The following RCOR3 variants were observed in gnomAD, a reference collection of about 807,000 sequenced individuals.
RCOR3 encodes the protein REST corepressor 3.
Under a neutral mutation model 64.1 loss-of-function variants are expected in RCOR3, and 13 were observed. The observed-to-expected ratio is 0.20, with a 90% CI of 0.13 to 0.32. The LOEUF (loss-of-function observed/expected upper bound fraction) is 0.32, where lower values mean the gene tolerates loss of function less well. RCOR3 is among the 10% of genes least tolerant of loss of function. The pLI is 1.00. For synonymous variants in RCOR3, 215 were observed against 239.0 expected, an observed-to-expected ratio of 0.90 and a Z score of 0.93; for missense variants, 489 against 701.2, an observed-to-expected ratio of 0.70 and a Z score of 3.42.
At chr1:211,267,435 C>T (rs1695393365) in intron 2 of RCOR3, among the ~76,000 whole-genome samples, 1 of 152,120 alleles carries the variant, frequency 6.6e-6, no homozygotes, top group African/African-American at 2.4e-5. Flanking sequence ...TTGCGAAATG[C>T]TTAATTAGGC....
At chr1:211,276,797 C>T (rs1697023960) in intron 5 of RCOR3, among the ~76,000 whole-genome samples, 1 of 151,998 alleles carries the variant, frequency 6.6e-6, no homozygotes, top group Non-Finnish European at 1.5e-5. Flanking sequence ...TTTAAAAAAT[C>T]CCATATTAGG....
At chr1:211,279,521 T>A (rs1697476591) in intron 7 of RCOR3, among the ~76,000 whole-genome samples, 1 of 152,230 alleles carries the variant, frequency 6.6e-6, no homozygotes, top group Non-Finnish European at 1.5e-5. Flanking sequence ...TGGAAAAAGA[T>A]CTGAGTTTGT....
At position 211,259,681 on chromosome 1, in the gene RCOR3, C is replaced by T. The variant is rs750285466; in HGVS notation, c.121C>T (p.His41Tyr). The T allele has an allele frequency of 5.2e-6, 8 of 1,544,990 alleles. No homozygotes were observed. Among genetic ancestry groups the T allele is most frequent in the Non-Finnish European group, 8.7e-7 (1 of 1,144,400 alleles). ...CGCCTCGTCCACCAACGGCGGGCTGCACTACTCAGAGCCCGAGAGCGGCTG... is the reference window on the plus strand; with the variant it reads ...CGCCTCGTCCACCAACGGCGGGCTGTACTACTCAGAGCCCGAGAGCGGCTG... Reference protein sequence around the residue: ...SGASSTNGGLHYSEPESGCSS... With the variant: ...SGASSTNGGLYYSEPESGCSS... Residue 41 changes from histidine to tyrosine, a missense_variant, in exon 1 of 12, where the codon CAC becomes TAC. His to Tyr is a moderately conservative substitution (Grantham distance 83). This residue lies in a region of RCOR3 where 87 missense variants were observed against 84.3 expected (regional missense o/e 1.03). Transcript: ENST00000419091.
intron 7 of RCOR3, among the ~76,000 whole-genome samples, chr1:211,287,484 A>T (rs975700353): frequency 4.6e-5 from 7 of 152,228 alleles, no homozygotes. Flanking sequence ...AAAATGTTTG[A>T]TCAGCAATTT....
intron 5 of RCOR3, among the ~76,000 whole-genome samples, chr1:211,276,871 G>T (rs2102499199): frequency 6.6e-6 from 1 of 152,110 alleles, no homozygotes; most frequent in South Asian, 2.1e-4. Flanking sequence ...CAGATCATGA[G>T]GTCAGGAGAT....
At chr1:211,282,889 A>G (rs899614988) in intron 7 of RCOR3, among the ~76,000 whole-genome samples, 25 of 152,176 alleles carry the variant, frequency 1.6e-4, no homozygotes, top group African/African-American at 5.8e-4. Context: ...TTTATCACAT[A>G]TATATAATCA....
chr1:211,280,693 C>T (rs1301974742), intron 7 of RCOR3, among the ~76,000 whole-genome samples: 3 of 152,098 alleles, frequency 2.0e-5, no homozygotes, highest in Middle Eastern at 3.4e-3. Context: ...CATTTAAAAG[C>T]GTTTCTCTGG....
intron 7 of RCOR3, among the ~76,000 whole-genome samples, chr1:211,281,822 G>T (rs1238751985): frequency 6.6e-6 from 1 of 152,010 alleles, no homozygotes; most frequent in Non-Finnish European, 1.5e-5. Context: ...TAAATCTGTT[G>T]CAGTACTAAT....
At chr1:211,267,953 G>A (rs1196037591) in intron 2 of RCOR3, 3 of 293,894 alleles carry the variant, frequency 1.0e-5, no homozygotes, top group Non-Finnish European at 2.0e-5. Context: ...TTTGAGAAGG[G>A]ACATTTAATG....
intron 8 of RCOR3, among the ~76,000 whole-genome samples, 166 bp from the exon 9 acceptor site, chr1:211,295,510 A>G (rs937534126): frequency 1.3e-5 from 2 of 152,230 alleles, no homozygotes; most frequent in African/African-American, 4.8e-5. Flanking sequence ...TCATACATGT[A>G]TAAGTTGAAT....
At chr1:211,305,101 T>A (rs1700731709) in intron 10 of RCOR3, among the ~76,000 whole-genome samples, 3 of 152,196 alleles carry the variant, frequency 2.0e-5, no homozygotes, top group South Asian at 2.1e-4. Flanking sequence ...TGTGCAGACA[T>A]CATTCCGATT....
intron 6 of RCOR3, among the ~76,000 whole-genome samples, 181 bp from the exon 7 acceptor site, chr1:211,279,057 G>A (rs1200570789): frequency 6.6e-6 from 1 of 151,958 alleles, no homozygotes; most frequent in Admixed American, 6.6e-5. Flanking sequence ...CGTGGTGCTG[G>A]GCACCTGTAA....
At chr1:211,304,184 T>C in intron 10 of RCOR3, 44 bp downstream of exon 10, 1 of 1,425,642 alleles carries the variant, frequency 7.0e-7, no homozygotes, top group Non-Finnish European at 9.5e-7. Context: ...AATTATTTAA[T>C]TTGTCATGAA....
chr1:211,260,182 A>G lies in RCOR3; in HGVS notation c.223+18A>G. 4 of 1,610,052 alleles carry G rather than the reference A, an allele frequency of 2.5e-6. No individual in the cohort carries two copies. Among genetic ancestry groups the G allele is most frequent in the Non-Finnish European group, 1.7e-6 (2 of 1,176,976 alleles). On this transcript the variant is annotated intron_variant, in intron 2 of 11. Transcript: ENST00000419091. ...TGATCCAGGTAGATATATTTGCTTA[A>G]GCAAAATCTCATATCCCCTTTCCTG...
chr1:211,272,922 G>A (rs1037273569), intron 3 of RCOR3, among the ~76,000 whole-genome samples: 2 of 152,104 alleles, frequency 1.3e-5, no homozygotes, highest in African/African-American at 4.8e-5. Flanking sequence ...CGCCCGGCCT[G>A]GATGTCTTAC....
intron 7 of RCOR3, among the ~76,000 whole-genome samples, chr1:211,287,577 G>A (rs141403988): frequency 6.8e-4 from 103 of 152,320 alleles, no homozygotes; most frequent in African/African-American, 2.4e-3. Flanking sequence ...CAATTAAGTG[G>A]ATTATGCTTC....
In RCOR3 at chr1:211,259,432, CCTCCTCCTCCGCCGCCGCCGCCGT is replaced by C. The variant is rs1203326351; in HGVS notation, c.-118_-95del. 19 of 920,830 alleles carry C rather than the reference CCTCCTCCTCCGCCGCCGCCGCCGT, an allele frequency of 2.1e-5. No individual in the cohort carries two copies. Among genetic ancestry groups the C allele is most frequent in the African/African-American group, 1.1e-4 (6 of 56,326 alleles). The allele number at this position is 920,830 out of a possible 1,614,324, so 57.0% of individuals were successfully genotyped here. On this transcript the variant is annotated 5_prime_UTR_variant, in exon 1 of 12. Transcript: ENST00000419091. ...TATGGCGGCTCCATATTAACAGCCTCCTCCTCCTCCGCCGCCGCCGCCGTCTCCTCCTCCTCCTCCTTTCCCTCC... is the reference window on the plus strand; with the variant it reads ...TATGGCGGCTCCATATTAACAGCCTCCTCCTCCTCCTCCTCCTTTCCCTCC...
At chr1:211,283,851 G>T (rs1282548109) in intron 7 of RCOR3, among the ~76,000 whole-genome samples, 3 of 136,860 alleles carry the variant, frequency 2.2e-5, no homozygotes, top group African/African-American at 5.5e-5. Flanking sequence ...CTGCGTATTT[G>T]TCTTTTTCTT....
intron 2 of RCOR3, among the ~76,000 whole-genome samples, chr1:211,265,675 C>T (rs945671227): frequency 2.6e-5 from 4 of 152,140 alleles, no homozygotes; most frequent in Non-Finnish European, 5.9e-5. Context: ...GCCGAGATTG[C>T]ACCATTGCAC....
Sources: gnomAD v4.1 joint callset for allele counts (sites outside exome capture counted in the v4.1 genomes callset) on GRCh38, gnomAD v4.1.1 for gene constraint, gnomAD v4.1.1 regional missense constraint, MANE v1.5 for transcripts, NCBI Gene and HGNC (gene_info 2026-07-23, HGNC 2026-07-21) for gene names.